ERGIC1: variants seen among roughly 807,000 people sequenced by gnomAD.
ERGIC1 encodes the protein endoplasmic reticulum-Golgi intermediate compartment protein 1.
Under a neutral mutation model 38.3 loss-of-function variants are expected in ERGIC1, and 19 were observed. The ratio of observed to expected loss-of-function variants is 0.50; its 90% CI spans 0.35 to 0.73. ERGIC1 has a LOEUF of 0.73. ERGIC1 is among the 30% of genes least tolerant of loss of function. The pLI, the probability that ERGIC1 is intolerant of heterozygous loss-of-function variation, is 0.01. For synonymous variants in ERGIC1, 124 were observed against 157.6 expected (o/e 0.79, Z 1.60); for missense variants, 294 against 389.2 (o/e 0.76, Z 2.06).
intron 1 of ERGIC1, among the ~76,000 whole-genome samples, chr5:172,881,352 C>T (rs963821455): frequency 6.6e-6 from 1 of 152,196 alleles, no homozygotes; most frequent in African/African-American, 2.4e-5. Context: ...CACTGCCCAT[C>T]TTATCTTAGT....
intron 1 of ERGIC1, among the ~76,000 whole-genome samples, chr5:172,873,058 C>T (rs1762056515): frequency 2.0e-5 from 3 of 152,204 alleles, no homozygotes; most frequent in South Asian, 2.1e-4. Flanking sequence ...CGGGGAGCCA[C>T]GGGCATGAGA....
chr5:172,897,091 C>G lies in ERGIC1; in HGVS notation c.155+17C>G. On this transcript the variant is annotated intron_variant, in intron 3 of 9. Coordinates refer to ENST00000393784, the MANE Select transcript of ERGIC1 (RefSeq NM_001031711.3). ...GACAGAAGTGTAAGTCATACTTTCC[C>G]GATGGGGCATTCCAGGATGTTCTGG... The G allele has an allele frequency of 6.2e-7, 1 of 1,611,784 alleles. No homozygotes were observed. The highest frequency in any genetic ancestry group is 8.5e-7 in the Non-Finnish European group (1 of 1,177,948).
At chr5:172,927,175 CCAGACA>C (rs1396089938) in intron 7 of ERGIC1, 1 of 153,266 alleles carries the variant, frequency 6.5e-6, no homozygotes, top group Admixed American at 6.5e-5. Flanking sequence ...TCACATGGCC[CCAGACA>C]CGTGCACAGA....
chr5:172,853,650 T>C (rs1052365145), intron 1 of ERGIC1, among the ~76,000 whole-genome samples: 4 of 152,144 alleles, frequency 2.6e-5, no homozygotes, highest in Non-Finnish European at 5.9e-5. Flanking sequence ...GTCCAGGCCT[T>C]GGTGTTCTAA....
intron 1 of ERGIC1, among the ~76,000 whole-genome samples, chr5:172,848,666 C>A (rs561857478): frequency 3.3e-5 from 5 of 152,150 alleles, no homozygotes; most frequent in Non-Finnish European, 7.4e-5. Flanking sequence ...TGGTGCTGAG[C>A]CAGCATCTGC....
chr5:172,834,572 C>G lies in ERGIC1; in HGVS notation c.20+139C>G, dbSNP rs932913115. 9.2e-5 allele frequency: 72 copies of G among 780,708 alleles called. No homozygotes were observed. Among genetic ancestry groups the G allele is most frequent in the Middle Eastern group, 8.7e-4 (2 of 2,292 alleles). 48.4% of individuals were successfully genotyped at this position (780,708 alleles called of 1,614,324 possible). A position where few individuals can be genotyped will look rare whatever the true frequency, so the allele number is the denominator to read the frequency against. On this transcript the variant is annotated intron_variant, in intron 1 of 9. Coordinates refer to ENST00000393784, the MANE Select transcript of ERGIC1 (RefSeq NM_001031711.3). This position sits in a 1 kb window ranked among gnomAD's most constrained non-coding sequence, Gnocchi z 4.1. ...ATGCCTCCGCAGGCCCCTAGGGACC[C>G]CAGGCGAGCCCCCCCCCTGCCGCAC...
intron 1 of ERGIC1, among the ~76,000 whole-genome samples, chr5:172,865,610 C>T (rs541917082): frequency 6.6e-6 from 1 of 152,300 alleles, no homozygotes; most frequent in East Asian, 1.9e-4. Flanking sequence ...CCTGCATATG[C>T]CTCTTCCCAG....
intron 4 of ERGIC1, 193 bp from the exon 5 acceptor site, chr5:172,914,521 C>A: frequency 1.1e-6 from 1 of 876,396 alleles, no homozygotes; most frequent in Non-Finnish European, 1.8e-6. Flanking sequence ...TGCACTGCCC[C>A]CCTCGCCTCA....
rs1232485581 is a variant in ERGIC1, at chr5:172,893,391, G to A, written c.83-3611G>A. 8.6e-5 allele frequency among the ~76,000 whole-genome samples: 13 copies of A among 152,020 alleles called. No individual in the cohort carries two copies. In the East Asian group the frequency reaches 1.7e-3, roughly 20 times the overall value. On this transcript the variant is annotated intron_variant, in intron 2 of 9. Coordinates refer to ENST00000393784, the MANE Select transcript of ERGIC1 (RefSeq NM_001031711.3). ...TCAAACTCCTGACCTCAAGTGATCC[G>A]TCTGCCTCGGCCTCCCAAAGTGCTG...
chr5:172,854,648 C>G (rs1761500447), intron 1 of ERGIC1, among the ~76,000 whole-genome samples: 1 of 152,244 alleles, frequency 6.6e-6, no homozygotes, highest in South Asian at 2.1e-4. Context: ...GGAGGGCGTG[C>G]TGGCCAGGGC....
intron 3 of ERGIC1, among the ~76,000 whole-genome samples, chr5:172,908,356 A>ATGGGGGGGGTGCT: frequency 1.8e-5 from 1 of 54,306 alleles, no homozygotes; most frequent in Non-Finnish European, 3.5e-5. Context: ...GGGGGGGTGG[A>ATGGGGGGGGTGCT]TCATGAGGTC....
At position 172,914,841 on chromosome 5, in the gene ERGIC1, A is replaced by G. The variant is rs776405560; in HGVS notation, c.375+3A>G. 3 of 1,613,968 alleles carry G rather than the reference A, an allele frequency of 1.9e-6. No homozygotes were observed. Among genetic ancestry groups the G allele is most frequent in the Admixed American group, 3.3e-5 (2 of 59,986 alleles). ...AGGGGCAGTTCAGCATCAACAAGGT[A>G]TGGAAGCCCTGCCTCAGCCCTTTCT... On this transcript the variant is annotated splice_donor_region_variant and intron_variant, in intron 5 of 9. Transcript: ENST00000393784.
chr5:172,889,931 A>G (rs536719170), intron 2 of ERGIC1, among the ~76,000 whole-genome samples: 29 of 152,344 alleles, frequency 1.9e-4, no homozygotes, highest in African/African-American at 6.7e-4. Flanking sequence ...TTGGGTTTTC[A>G]GATTTGGGAT....
At chr5:172,923,072 T>TGGGAGGAGG (rs1763564561) in intron 5 of ERGIC1, among the ~76,000 whole-genome samples, 1 of 148,986 alleles carries the variant, frequency 6.7e-6, no homozygotes. Flanking sequence ...TCTGAGCATC[T>TGGGAGGAGG]AGGAGGAGGA....
chr5:172,930,314 A>G (rs571800211), intron 7 of ERGIC1, among the ~76,000 whole-genome samples: 1 of 151,482 alleles, frequency 6.6e-6, no homozygotes, highest in South Asian at 2.1e-4. Context: ...ATTTATGGTG[A>G]TTTTTTGTTT....
chr5:172,840,222 G>T (rs138965823), intron 1 of ERGIC1, among the ~76,000 whole-genome samples: 3 of 152,314 alleles, frequency 2.0e-5, no homozygotes, highest in Non-Finnish European at 4.4e-5. Context: ...CATGGAATGA[G>T]ATGGAATGTC....
At chr5:172,928,252 T>C (rs1224737847) in intron 7 of ERGIC1, among the ~76,000 whole-genome samples, 2 of 152,288 alleles carry the variant, frequency 1.3e-5, no homozygotes, top group African/African-American at 4.8e-5. Context: ...CCAGGGCTAG[T>C]GGCGAAAGCT....
At chr5:172,940,351 C>T (rs940106610) in intron 9 of ERGIC1, among the ~76,000 whole-genome samples, 24 of 152,316 alleles carry the variant, frequency 1.6e-4, no homozygotes, top group Non-Finnish European at 8.8e-5. Context: ...TATATTAGAA[C>T]ATTCCAGCGC....
At chr5:172,925,731 G>C (rs1707736559) in intron 6 of ERGIC1, among the ~76,000 whole-genome samples, 1 of 152,144 alleles carries the variant, frequency 6.6e-6, no homozygotes, top group African/African-American at 2.4e-5. Flanking sequence ...AGATCTTGGT[G>C]TCAATGTCAT....
Sources: gnomAD v4.1 joint callset for allele counts (sites outside exome capture counted in the v4.1 genomes callset) on GRCh38, gnomAD v4.1.1 for gene constraint, Gnocchi (gnomAD v3.1) non-coding constraint, MANE v1.5 for transcripts, NCBI Gene and HGNC (gene_info 2026-07-23, HGNC 2026-07-21) for gene names.